ETF1: variants seen among roughly 807,000 people sequenced by gnomAD.
The protein encoded by ETF1 is eukaryotic peptide chain release factor subunit 1.
A neutral mutation model predicts 55.1 loss-of-function variants in ETF1; 4 were observed. The observed-to-expected ratio is 0.07, with a 90% confidence interval of 0.04 to 0.17. ETF1 has a LOEUF of 0.17. Ranked by LOEUF, ETF1 falls within the 10% of genes least tolerant of loss-of-function variation. The probability of loss-of-function intolerance (pLI) is 1.00; values close to 1 mark genes in which losing one functional copy is unlikely to be tolerated. For missense variants in ETF1, 142 were observed against 523.6 expected (o/e 0.27, Z 7.11); for synonymous variants, 157 against 182.3 (o/e 0.86, Z 1.12).
chr5:138,522,334 G>C (rs1417045927), intron 2 of ETF1, among the ~76,000 whole-genome samples: 3 of 151,984 alleles, frequency 2.0e-5, no homozygotes, highest in African/African-American at 7.3e-5. Context: ...ATGGGCAAAG[G>C]GTGTGAGGAG....
At chr5:138,525,453 G>A (rs1765429432) in intron 2 of ETF1, among the ~76,000 whole-genome samples, 1 of 92,504 alleles carries the variant, frequency 1.1e-5, no homozygotes, top group Admixed American at 1.4e-4. Context: ...ACCATGTCTG[G>A]CCTATTAATA....
At chr5:138,521,107 T>TA (rs1299280328) in intron 2 of ETF1, among the ~76,000 whole-genome samples, 3 of 151,276 alleles carry the variant, frequency 2.0e-5, no homozygotes, top group Non-Finnish European at 4.4e-5. Flanking sequence ...GATGAACAAA[T>TA]AAAAAAAAGT....
At chr5:138,542,586 C>G (rs1016377582) in intron 2 of ETF1, 3 of 1,386,434 alleles carry the variant, frequency 2.2e-6, no homozygotes, top group Non-Finnish European at 2.8e-6. Flanking sequence ...CGGTGGCCTA[C>G]CACGAGGGGG....
At position 138,510,699 on chromosome 5, in the gene ETF1, T is replaced by C. The variant is rs1764741528; in HGVS notation, c.1019-70A>G. 4 of 1,574,046 alleles carry C rather than the reference T, an allele frequency of 2.5e-6. No homozygotes were observed. The South Asian group carries it at 3.5e-5, about 14-fold the overall frequency. ...ACTAATCTGTGTAAGCTCCATAAGATGAGGTTAGATGAGAAAAGGGCTCAG... is the reference window on the plus strand; with the variant it reads ...ACTAATCTGTGTAAGCTCCATAAGACGAGGTTAGATGAGAAAAGGGCTCAG... On this transcript the variant is annotated intron_variant, in intron 8 of 10. Coordinates refer to ENST00000360541, the MANE Select transcript of ETF1 (RefSeq NM_004730.4).
chr5:138,511,870 G>C (rs1215451742), intron 6 of ETF1: 13 of 984,968 alleles, frequency 1.3e-5, no homozygotes, highest in African/African-American at 1.8e-5. Context: ...TGGAGGAAAG[G>C]GGGGACCACT....
At chr5:138,523,171 A>G (rs1214021554) in intron 2 of ETF1, among the ~76,000 whole-genome samples, 1 of 152,082 alleles carries the variant, frequency 6.6e-6, no homozygotes, top group African/African-American at 2.4e-5. Context: ...GACCGAGACC[A>G]TCCTGACCAA....
At chr5:138,520,922 G>A (rs541934106) in intron 2 of ETF1, among the ~76,000 whole-genome samples, 12 of 152,090 alleles carry the variant, frequency 7.9e-5, no homozygotes, top group Admixed American at 3.3e-4. Flanking sequence ...TGGGATAAGT[G>A]TGGTAGCTCT....
intron 2 of ETF1, chr5:138,541,551 A>G (rs1766174172): frequency 1.3e-6 from 2 of 1,535,508 alleles, no homozygotes; most frequent in East Asian, 2.4e-5. Flanking sequence ...AATTAAGCAC[A>G]TCCTGTTTCA....
At chr5:138,541,499 A>G (rs1482169744) in intron 2 of ETF1, 2 of 1,507,888 alleles carry the variant, frequency 1.3e-6, no homozygotes, top group African/African-American at 1.4e-5. Flanking sequence ...TATTAAGAAC[A>G]AAACACTAGT....
chr5:138,523,608 G>T (rs943242186), intron 2 of ETF1, among the ~76,000 whole-genome samples: 3 of 152,186 alleles, frequency 2.0e-5, no homozygotes, highest in Admixed American at 2.0e-4. Flanking sequence ...AGAGACAAAG[G>T]TAGATTAGTG....
chr5:138,542,978 A>G, intron 1 of ETF1, 42 bp from the exon 2 acceptor site: 1 of 1,578,330 alleles, frequency 6.3e-7, no homozygotes, highest in East Asian at 2.3e-5. Flanking sequence ...AAGACCACAG[A>G]GTTAGCGCCG....
At chr5:138,532,604 G>T (rs193219810) in intron 2 of ETF1, among the ~76,000 whole-genome samples, 12 of 152,324 alleles carry the variant, frequency 7.9e-5, no homozygotes, top group Admixed American at 2.6e-4. Context: ...ATCAGATGGG[G>T]TTGAAGTCTT....
intron 2 of ETF1, among the ~76,000 whole-genome samples, chr5:138,530,333 C>CAGTG (rs1428596577): frequency 1.3e-5 from 2 of 152,048 alleles, no homozygotes; most frequent in Admixed American, 1.3e-4. Context: ...GGCTACAGTG[C>CAGTG]AGTGGTGTGA....
intron 2 of ETF1, among the ~76,000 whole-genome samples, chr5:138,526,423 T>C (rs1369345188): frequency 2.0e-5 from 3 of 152,176 alleles, no homozygotes; most frequent in Admixed American, 6.5e-5. Context: ...TGTACTATAG[T>C]GTCTTCGGTA....
At chr5:138,527,901 T>C (rs2127107538) in intron 2 of ETF1, among the ~76,000 whole-genome samples, 1 of 152,062 alleles carries the variant, frequency 6.6e-6, no homozygotes, top group South Asian at 2.1e-4. Context: ...GCCTCCTGAG[T>C]AGCTGGGGTT....
intron 2 of ETF1, chr5:138,519,298 A>C (rs1765139888): frequency 3.7e-6 from 2 of 543,900 alleles, no homozygotes; most frequent in South Asian, 7.8e-5. Flanking sequence ...GCATATTTGT[A>C]ATCAAGAATT....
intron 9 of ETF1, among the ~76,000 whole-genome samples, chr5:138,509,647 C>T (rs1289361326): frequency 6.6e-6 from 1 of 152,040 alleles, no homozygotes; most frequent in East Asian, 1.9e-4. Context: ...GTAATCCCAG[C>T]ATTTTGGGAG....
chr5:138,507,079 C>T lies in ETF1; in HGVS notation c.*1226G>A, dbSNP rs766739243. 1.6e-4 allele frequency: 24 copies of T among 152,202 alleles called. No homozygotes were observed. The highest frequency in any genetic ancestry group is 1.1e-3 in the Admixed American group (17 of 15,270). The allele number at this position is 152,202 out of a possible 1,614,324, so 9.4% of individuals were successfully genotyped here. A position where few individuals can be genotyped will look rare whatever the true frequency, so the allele number is the denominator to read the frequency against. On this transcript the variant is annotated 3_prime_UTR_variant, in exon 11 of 11. Transcript: ENST00000360541. ...ATCAGCTGGGTTCAAGTCTGACTTACAGCCCAGCTGTGAAGCATAAGCTTC... is the reference window on the plus strand; with the variant it reads ...ATCAGCTGGGTTCAAGTCTGACTTATAGCCCAGCTGTGAAGCATAAGCTTC...
Position 138,543,234 on chromosome 5 carries a change from G to C in ETF1, c.-156C>G. 1 of 432,156 alleles carries C rather than the reference G, an allele frequency of 2.3e-6. No homozygotes were observed. The highest frequency in any genetic ancestry group is 4.1e-6 in the Non-Finnish European group (1 of 243,186). 26.8% of individuals were successfully genotyped at this position (432,156 alleles called of 1,614,324 possible). On this transcript the variant is annotated 5_prime_UTR_variant, in exon 1 of 11. Coordinates refer to ENST00000360541, the MANE Select transcript of ETF1 (RefSeq NM_004730.4). ...TGCAATCCGCTCACATGGGGCCTGTGACATCACTTCCTCCGCCAGGGGCGG... is the reference window on the plus strand; with the variant it reads ...TGCAATCCGCTCACATGGGGCCTGTCACATCACTTCCTCCGCCAGGGGCGG...
Sources: allele counts gnomAD v4.1 joint callset (sites outside exome capture counted in the v4.1 genomes callset), GRCh38; gene constraint gnomAD v4.1.1; transcripts MANE v1.5; gene names NCBI Gene and HGNC (gene_info 2026-07-23, HGNC 2026-07-21).